Variants in DNAH8 observed in about 807,000 individuals in gnomAD.
The protein encoded by DNAH8 is dynein axonemal heavy chain 8, also known as axonemal beta dynein heavy chain 8.
DNAH8 carries 382 observed loss-of-function variants against 562.1 expected under a neutral mutation model. The observed-to-expected ratio is 0.68, with a 90% CI of 0.63 to 0.74. The LOEUF (loss-of-function observed/expected upper bound fraction) is 0.74. Ranked by LOEUF, DNAH8 falls within the 30% of genes least tolerant of loss-of-function variation. The pLI, the probability that DNAH8 is intolerant of heterozygous loss-of-function variation, is 0.00. For missense variants in DNAH8, 5,203 were observed against 5,620.4 expected, an observed-to-expected ratio of 0.93 and a Z score of 2.37; for synonymous variants, 1,881 against 1,919.4, an observed-to-expected ratio of 0.98 and a Z score of 0.52.
chr6:38,824,772 G>T (rs1053811731), intron 28 of DNAH8, among the ~76,000 whole-genome samples: 2 of 151,918 alleles, frequency 1.3e-5, no homozygotes, highest in Non-Finnish European at 2.9e-5. Context: ...AGTACCTGGC[G>T]TATGATTGAT....
intron 85 of DNAH8, among the ~76,000 whole-genome samples, chr6:38,979,257 A>G (rs1763882421): frequency 6.6e-6 from 1 of 152,208 alleles, no homozygotes; most frequent in African/African-American, 2.4e-5. Flanking sequence ...AATTATATTC[A>G]CTATCCCATT....
intron 11 of DNAH8, among the ~76,000 whole-genome samples, chr6:38,767,876 C>A (rs970470370): frequency 2.2e-4 from 33 of 152,194 alleles, no homozygotes; most frequent in Admixed American, 1.9e-3. Flanking sequence ...TCCTGCCAAA[C>A]AATTTTCCAC....
intron 16 of DNAH8, among the ~76,000 whole-genome samples, chr6:38,782,333 T>C (rs1051828300): frequency 6.6e-5 from 10 of 152,026 alleles, no homozygotes; most frequent in African/African-American, 2.2e-4. Context: ...CAGGCTGGAG[T>C]GCAGTGGCGC....
In DNAH8 at chr6:38,913,758, C is replaced by T. The variant is rs1313852799; in HGVS notation, c.9860-91C>T. 7.3e-5 allele frequency: 60 copies of T among 823,550 alleles called. No individual in the cohort carries two copies. The East Asian group carries it at 1.4e-3, about 19-fold the overall frequency. 51.0% of individuals were successfully genotyped at this position (823,550 alleles called of 1,614,324 possible). On this transcript the variant is annotated intron_variant, in intron 66 of 92. Coordinates refer to ENST00000327475, the MANE Select transcript of DNAH8 (RefSeq NM_001206927.2). ...TTTTGTGTTTGTTATATTACATGTA[C>T]AGTGCCTAATAAATAGTAAACATTG...
At chr6:38,999,985 A>G (rs188109707) in intron 88 of DNAH8, among the ~76,000 whole-genome samples, 219 of 152,222 alleles carry the variant, frequency 1.4e-3, no homozygotes, top group Admixed American at 4.2e-3. Flanking sequence ...AAAAACAATA[A>G]TAACAATATA....
rs748441594 is a variant in DNAH8 at position 39,012,212 on chromosome 6, T to C, written c.13372-3T>C. 18 of 1,595,844 alleles carry C rather than the reference T, an allele frequency of 1.1e-5. No individual in the cohort carries two copies. In the East Asian group the frequency reaches 4.0e-4, roughly 36 times the overall value. On this transcript the variant is annotated splice_polypyrimidine_tract_variant and splice_region_variant and intron_variant, in intron 89 of 92. Transcript: ENST00000327475. Reference sequence around the variant, plus strand: ...CTTTATTGCATTGTTTACTTTGTTTTAGGTGAAATCTCGTTTGATAAAGAT... The same window carrying C: ...CTTTATTGCATTGTTTACTTTGTTTCAGGTGAAATCTCGTTTGATAAAGAT...
At chr6:38,823,383 C>T (rs553235513) in intron 27 of DNAH8, among the ~76,000 whole-genome samples, 179 bp from the exon 28 acceptor site, 29 of 152,300 alleles carry the variant, frequency 1.9e-4, no homozygotes, top group African/African-American at 6.5e-4. Flanking sequence ...TCTGAATAAC[C>T]ATGCCCTGCA....
chr6:38,937,646 A>G, intron 77 of DNAH8, among the ~76,000 whole-genome samples: 1 of 152,192 alleles, frequency 6.6e-6, no homozygotes, highest in East Asian at 1.9e-4. Context: ...GAAGCCTATC[A>G]CATGGGGAAC....
rs750195267 is a variant in DNAH8, at chr6:38,945,433, T to C, written c.12008-34T>C. On this transcript the variant is annotated intron_variant, in intron 79 of 92. Coordinates refer to ENST00000327475, the MANE Select transcript of DNAH8 (RefSeq NM_001206927.2). ...CATTTCTAGAAGTGAAGTACAGGCT[T>C]ACCCAATTCACCCTGTCTGACGCTC... The C allele has an allele frequency of 5.6e-6, 9 of 1,612,478 alleles. No homozygotes were observed. In the South Asian group the frequency reaches 6.6e-5, roughly 12 times the overall value.
At chr6:38,901,897 A>G (rs1780106507) in intron 62 of DNAH8, among the ~76,000 whole-genome samples, 1 of 152,200 alleles carries the variant, frequency 6.6e-6, no homozygotes, top group South Asian at 2.1e-4. Flanking sequence ...AGAAAAGCGT[A>G]TTTCTGACTT....
Position 38,815,444 on chromosome 6 carries a change from C to T in DNAH8, c.3334-24C>T, listed in dbSNP as rs369084694. 11 of 1,585,412 alleles carry T rather than the reference C, an allele frequency of 6.9e-6. No homozygotes were observed. The African/African-American group carries it at 1.3e-4, about 19-fold the overall frequency. On this transcript the variant is annotated intron_variant, in intron 25 of 92. Transcript: ENST00000327475. The stretch of plus-strand genomic sequence containing the variant: ...TGGACTGTATGTGCCGGCAGTATTA[C>T]ACATTTGTTTCTTCTTTCCACAGGT...
In DNAH8 at chr6:38,725,737, A is replaced by G. The variant is rs529155548; in HGVS notation, c.525+2266A>G. ...CAGAGGCCCCTGTGCTTAGAATGTCACTATGCTTGGTTTGATGATCTTTTG... is the reference window on the plus strand; with the variant it reads ...CAGAGGCCCCTGTGCTTAGAATGTCGCTATGCTTGGTTTGATGATCTTTTG... On this transcript the variant is annotated intron_variant, in intron 3 of 92. Transcript: ENST00000327475. 5.9e-5 allele frequency among the ~76,000 whole-genome samples: 9 copies of G among 152,192 alleles called. No individual in the cohort carries two copies. The South Asian group carries it at 6.2e-4, about 11-fold the overall frequency.
At chr6:39,024,203 GT>G (rs1261505288) in intron 91 of DNAH8, among the ~76,000 whole-genome samples, 1 of 152,222 alleles carries the variant, frequency 6.6e-6, no homozygotes, top group Admixed American at 6.5e-5. Flanking sequence ...AACTTTAAAT[GT>G]TATAGGAAAA....
chr6:38,855,451 T>C (rs1776121659), intron 41 of DNAH8, among the ~76,000 whole-genome samples: 1 of 152,228 alleles, frequency 6.6e-6, no homozygotes, highest in Admixed American at 6.5e-5. Flanking sequence ...AATATTTTAG[T>C]GTATTCCCTT....
intron 4 of DNAH8, 62 bp downstream of exon 4, chr6:38,730,048 T>C (rs1247527012): frequency 5.3e-6 from 4 of 761,792 alleles, no homozygotes; most frequent in Non-Finnish European, 2.2e-6. Flanking sequence ...GTGCAGCATA[T>C]TTTTTCTCTT....
intron 22 of DNAH8, 46 bp downstream of exon 22, chr6:38,803,357 C>A (rs774724990): frequency 6.7e-7 from 1 of 1,501,710 alleles, no homozygotes; most frequent in Non-Finnish European, 9.1e-7. Context: ...TCTACAGATT[C>A]GTTCTTATGT....
chr6:38,743,802 G>T (rs919109237), intron 8 of DNAH8, among the ~76,000 whole-genome samples: 1 of 151,824 alleles, frequency 6.6e-6, no homozygotes. Flanking sequence ...TGTTTTTTTG[G>T]CAATTATGCA....
chr6:38,851,564 A>C lies in DNAH8; in HGVS notation c.5364-8A>C. On this transcript the variant is annotated splice_region_variant and splice_polypyrimidine_tract_variant and intron_variant, in intron 38 of 92. Transcript: ENST00000327475. Reference sequence around the variant, plus strand: ...CACTTGGTAACATACTGTCGACTTTATTTGAAGGTATTTGGAGAAGAAACG... The same window carrying C: ...CACTTGGTAACATACTGTCGACTTTCTTTGAAGGTATTTGGAGAAGAAACG... 1 of 1,571,212 alleles carries C rather than the reference A, an allele frequency of 6.4e-7. No homozygotes were observed.
chr6:38,843,186 T>G (rs1315880626), intron 35 of DNAH8, among the ~76,000 whole-genome samples: 3 of 152,164 alleles, frequency 2.0e-5, no homozygotes, highest in Non-Finnish European at 4.4e-5. Flanking sequence ...TAAAAAAAAT[T>G]TGTTTATTTA....
Sources: gnomAD v4.1 joint callset for allele counts (sites outside exome capture counted in the v4.1 genomes callset) on GRCh38, gnomAD v4.1.1 for gene constraint, MANE v1.5 for transcripts, NCBI Gene and HGNC (gene_info 2026-07-23, HGNC 2026-07-21) for gene names.